The following GRM7 variants were observed in gnomAD, a reference collection of about 807,000 sequenced individuals.
GRM7 encodes glutamate metabotropic receptor 7.
GRM7 carries 35 observed loss-of-function variants against 84.5 expected under a neutral mutation model. The ratio of observed to expected loss-of-function variants is 0.41; its 90% CI spans 0.32 to 0.55. The LOEUF is 0.55. GRM7 is among the 20% of genes least tolerant of loss of function. GRM7 has a pLI of 0.19. For missense variants in GRM7, 1,003 were observed against 1,194.6 expected (o/e 0.84, Z 2.36); for synonymous variants, 487 against 455.1 (o/e 1.07, Z -0.89).
intron 2 of GRM7, among the ~76,000 whole-genome samples, chr3:7,256,215 C>T (rs1339550563): frequency 6.6e-6 from 1 of 152,116 alleles, no homozygotes. Context: ...ACTTACTACC[C>T]TAGGAAATTC....
At chr3:7,610,131 A>C (rs2049782) in intron 8 of GRM7, among the ~76,000 whole-genome samples, 20,416 of 152,096 alleles carry the variant, frequency 0.13, 1,598 homozygotes, top group Non-Finnish European at 0.18. Flanking sequence ...GGGCGCTTGG[A>C]AGAATTCTTG....
chr3:7,108,696 G>A (rs1426921470), intron 1 of GRM7, among the ~76,000 whole-genome samples: 1 of 152,036 alleles, frequency 6.6e-6, no homozygotes, highest in Non-Finnish European at 1.5e-5. Context: ...GTTGCTGACA[G>A]CTACTTCGGG....
intron 9 of GRM7, among the ~76,000 whole-genome samples, chr3:7,725,335 C>T (rs940676269): frequency 1.3e-5 from 2 of 152,138 alleles, no homozygotes; most frequent in African/African-American, 4.8e-5. Flanking sequence ...ATCACTGCCT[C>T]CACAGCCTCT....
intron 2 of GRM7, among the ~76,000 whole-genome samples, chr3:7,150,952 A>G (rs1206512019): frequency 1.3e-5 from 2 of 152,224 alleles, no homozygotes; most frequent in East Asian, 3.9e-4. Flanking sequence ...ACTGCTTGAC[A>G]ATATAGCACA....
intron 1 of GRM7, among the ~76,000 whole-genome samples, chr3:6,937,572 C>T (rs190723289): frequency 1.3e-5 from 2 of 152,246 alleles, no homozygotes; most frequent in Admixed American, 1.3e-4. Flanking sequence ...TGATTGGTAA[C>T]CATTGAAAAT....
chr3:7,603,472 G>A (rs1038106435), intron 8 of GRM7, among the ~76,000 whole-genome samples: 2 of 152,098 alleles, frequency 1.3e-5, no homozygotes, highest in African/African-American at 4.8e-5. Flanking sequence ...TAGCACTGAG[G>A]ATTTCCAAGG....
chr3:7,018,175 A>G (rs978542824), intron 1 of GRM7, among the ~76,000 whole-genome samples: 3 of 152,256 alleles, frequency 2.0e-5, no homozygotes, highest in African/African-American at 4.8e-5. Flanking sequence ...TGTGTTCAGT[A>G]TAACAAATAT....
intron 1 of GRM7, among the ~76,000 whole-genome samples, chr3:6,925,822 A>T (rs529221575): frequency 3.3e-5 from 5 of 152,324 alleles, no homozygotes; most frequent in African/African-American, 9.6e-5. Context: ...CCAGTCTCAC[A>T]TACATACATT....
chr3:7,419,082 A>ATCTT (rs1399610065), intron 5 of GRM7, among the ~76,000 whole-genome samples: 3 of 152,122 alleles, frequency 2.0e-5, no homozygotes, highest in Non-Finnish European at 2.9e-5. Context: ...ATTCATGAAG[A>ATCTT]TCTTTTTGTC....
At chr3:7,103,293 A>G (rs969436715) in intron 1 of GRM7, among the ~76,000 whole-genome samples, 1 of 151,696 alleles carries the variant, frequency 6.6e-6, no homozygotes, top group African/African-American at 2.4e-5. Flanking sequence ...AGACCTTAGT[A>G]TTTGTTTCTG....
chr3:6,914,726 T>C (rs1288190808), intron 1 of GRM7, among the ~76,000 whole-genome samples: 1 of 152,182 alleles, frequency 6.6e-6, no homozygotes, highest in Non-Finnish European at 1.5e-5. Context: ...GATATGTCTA[T>C]GATACCAGTC....
intron 4 of GRM7, among the ~76,000 whole-genome samples, chr3:7,393,288 T>G (rs1444631956): frequency 6.6e-6 from 1 of 152,174 alleles, no homozygotes; most frequent in East Asian, 1.9e-4. Context: ...CTCAAGTGCC[T>G]GCGGAATTCT....
intron 3 of GRM7, among the ~76,000 whole-genome samples, chr3:7,304,524 A>G (rs975698062): frequency 8.6e-5 from 13 of 151,766 alleles, no homozygotes; most frequent in Admixed American, 6.6e-5. Context: ...ATTTATTAAA[A>G]ATAATATTTA....
intron 8 of GRM7, among the ~76,000 whole-genome samples, chr3:7,645,546 T>TAAAAAAAAAAAAAAA (rs71043684): frequency 1.0e-4 from 9 of 87,790 alleles, no homozygotes; most frequent in African/African-American, 3.7e-4. Context: ...GACTCCATCT[T>TAAAAAAAAAAAAAAA]AAAAAAAAAA....
intron 8 of GRM7, among the ~76,000 whole-genome samples, chr3:7,655,142 A>G (rs1319702689): frequency 6.6e-6 from 1 of 152,246 alleles, no homozygotes; most frequent in African/African-American, 2.4e-5. Flanking sequence ...TTCAAAGAAA[A>G]GTAGAAAAAC....
intron 5 of GRM7, among the ~76,000 whole-genome samples, chr3:7,451,316 G>A (rs1209598867): frequency 1.3e-5 from 2 of 152,184 alleles, no homozygotes; most frequent in African/African-American, 4.8e-5. Context: ...TGGACACCTG[G>A]TAGAGCATTA....
At chr3:7,572,829 T>C (rs1440346095) in intron 7 of GRM7, among the ~76,000 whole-genome samples, 1 of 10,202 alleles carries the variant, frequency 9.8e-5, no homozygotes, top group Non-Finnish European at 1.8e-4. Context: ...CTCAAATATA[T>C]ATATATATAT....
At chr3:7,025,444 C>T (rs747816158) in intron 1 of GRM7, among the ~76,000 whole-genome samples, 3 of 152,108 alleles carry the variant, frequency 2.0e-5, no homozygotes, top group Non-Finnish European at 2.9e-5. Flanking sequence ...TAATATACAG[C>T]GTGAGTAGGT....
intron 9 of GRM7, among the ~76,000 whole-genome samples, chr3:7,701,538 C>T (rs527892763): frequency 2.0e-5 from 3 of 152,040 alleles, no homozygotes; most frequent in Non-Finnish European, 4.4e-5. Context: ...CTCCTGACCT[C>T]GTGATCCACT....
Sources: gnomAD v4.1 joint callset for allele counts (sites outside exome capture counted in the v4.1 genomes callset) on GRCh38, gnomAD v4.1.1 for gene constraint, MANE v1.5 for transcripts, NCBI Gene and HGNC (gene_info 2026-07-23, HGNC 2026-07-21) for gene names.